Variants in C1orf105 observed in about 807,000 individuals in gnomAD.
C1orf105 encodes the protein chromosome 1 open reading frame 105.
C1orf105 carries 17 observed loss-of-function variants against 20.8 expected under a neutral mutation model. That is an observed-to-expected ratio of 0.82 (90% CI 0.56 to 1.23). The LOEUF is 1.23. Ranked by LOEUF, C1orf105 falls within the 50% of genes most tolerant of loss-of-function variation. C1orf105 has a pLI of 0.00. For missense variants in C1orf105, 219 were observed against 213.5 expected (o/e 1.03, Z -0.16); for synonymous variants, 72 against 72.1 (o/e 1.00, Z 0.01).
chr1:172,454,701 G>C (rs1274394695), intron 3 of C1orf105, among the ~76,000 whole-genome samples: 3 of 151,900 alleles, frequency 2.0e-5, no homozygotes, highest in African/African-American at 7.3e-5. Context: ...CCCAAGCATT[G>C]CCTGTTTTTT....
chr1:172,457,943 C>T (rs963660219), intron 4 of C1orf105, among the ~76,000 whole-genome samples: 58 of 152,336 alleles, frequency 3.8e-4, no homozygotes, highest in African/African-American at 1.4e-3. Flanking sequence ...TGCAGTAATA[C>T]CTCAAAGTCC....
intron 1 of C1orf105, chr1:172,443,789 G>A (rs568953432): frequency 6.2e-4 from 138 of 223,790 alleles, no homozygotes; most frequent in African/African-American, 2.6e-3. Context: ...GGCAGCGCCC[G>A]CCCGCAGAGT....
Position 172,441,808 on chromosome 1 carries a change from A to G in C1orf105, c.22-3265A>G, listed in dbSNP as rs567827901. 13 of 1,611,952 alleles carry G rather than the reference A, an allele frequency of 8.1e-6. No individual in the cohort carries two copies. The African/African-American group carries it at 1.2e-4, about 15-fold the overall frequency. ...ATGAATGTTTTCTTTAAAAAGCTGC[A>G]AGCGAATGAGGTAGAATGGACACAG... On this transcript the variant is annotated intron_variant, in intron 1 of 6. Coordinates refer to ENST00000367727, the MANE Select transcript of C1orf105 (RefSeq NM_139240.4).
At chr1:172,439,631 C>G (rs2072152888) in intron 1 of C1orf105, among the ~76,000 whole-genome samples, 1 of 152,022 alleles carries the variant, frequency 6.6e-6, no homozygotes, top group African/African-American at 2.4e-5. Flanking sequence ...GATAGTGCAG[C>G]CATATTGTCA....
intron 6 of C1orf105, among the ~76,000 whole-genome samples, chr1:172,468,045 G>A (rs981791448): frequency 6.6e-6 from 1 of 151,972 alleles, no homozygotes; most frequent in African/African-American, 2.4e-5. Context: ...AACTATATAT[G>A]TGTCCCTGAA....
At chr1:172,423,158 T>G (rs1331011794) in intron 1 of C1orf105, among the ~76,000 whole-genome samples, 1 of 152,116 alleles carries the variant, frequency 6.6e-6, no homozygotes, top group Non-Finnish European at 1.5e-5. Flanking sequence ...ACGTAATAGT[T>G]ACAGTGGGCC....
intron 1 of C1orf105, among the ~76,000 whole-genome samples, chr1:172,424,762 T>A (rs1240122980): frequency 6.6e-6 from 1 of 152,230 alleles, no homozygotes; most frequent in African/African-American, 2.4e-5. Context: ...AGATGATTCC[T>A]TCTGCCTCTT....
At chr1:172,442,422 AAC>A (rs1467157678) in intron 1 of C1orf105, 1 of 1,614,080 alleles carries the variant, frequency 6.2e-7, no homozygotes, top group Admixed American at 1.7e-5. Context: ...TAACCACAAA[AAC>A]ACAAACACTG....
At chr1:172,446,930 A>C (rs1258927806) in intron 2 of C1orf105, among the ~76,000 whole-genome samples, 1 of 152,162 alleles carries the variant, frequency 6.6e-6, no homozygotes, top group Non-Finnish European at 1.5e-5. Context: ...TTCTGGGAGG[A>C]TTGGGGTAGC....
intron 4 of C1orf105, among the ~76,000 whole-genome samples, chr1:172,461,928 G>T (rs1313630588): frequency 6.6e-6 from 1 of 152,134 alleles, no homozygotes; most frequent in Admixed American, 6.6e-5. Context: ...GTGTATTGGG[G>T]GTGGGGGCAT....
chr1:172,430,919 T>G (rs1364754370), intron 1 of C1orf105, among the ~76,000 whole-genome samples: 2 of 152,214 alleles, frequency 1.3e-5, no homozygotes, highest in African/African-American at 4.8e-5. Flanking sequence ...ATCAGTGATC[T>G]TTGATGTTAC....
chr1:172,467,892 A>T (rs1410655522), intron 6 of C1orf105, among the ~76,000 whole-genome samples: 3 of 152,256 alleles, frequency 2.0e-5, no homozygotes, highest in African/African-American at 7.2e-5. Context: ...TGAAGAAGAG[A>T]TAGGGTAAGG....
At chr1:172,466,788 T>C (rs1480733296) in intron 6 of C1orf105, among the ~76,000 whole-genome samples, 1 of 152,226 alleles carries the variant, frequency 6.6e-6, no homozygotes, top group African/African-American at 2.4e-5. Flanking sequence ...TGTTCTTGGA[T>C]GGCCCTGATT....
At position 172,441,938 on chromosome 1, in the gene C1orf105, C is replaced by T. The variant is rs201517616; in HGVS notation, c.22-3135C>T. On this transcript the variant is annotated intron_variant, in intron 1 of 6. Coordinates refer to ENST00000367727, the MANE Select transcript of C1orf105 (RefSeq NM_139240.4). The stretch of plus-strand genomic sequence containing the variant: ...AATGCAAAAAGCAGTGTGACCCCCA[C>T]ATAGCTCCGGGGAGTACATGCCTTT... 6.2e-4 allele frequency: 1,008 copies of T among 1,614,186 alleles called. 16 individuals carry two copies. The South Asian group carries it at 0.01, about 17-fold the overall frequency.
At chr1:172,432,776 T>C (rs1027107382) in intron 1 of C1orf105, among the ~76,000 whole-genome samples, 3 of 152,234 alleles carry the variant, frequency 2.0e-5, no homozygotes, top group Non-Finnish European at 4.4e-5. Context: ...TTTAATGAGT[T>C]GACAGAAGTA....
intron 1 of C1orf105, among the ~76,000 whole-genome samples, chr1:172,438,036 T>C (rs1364209325): frequency 6.6e-6 from 1 of 152,018 alleles, no homozygotes; most frequent in African/African-American, 2.4e-5. Flanking sequence ...TCATGCTCTG[T>C]GAGTAAAACA....
Position 172,441,335 on chromosome 1 carries a change from G to A in C1orf105, c.22-3738G>A, listed in dbSNP as rs143548308. 2.6e-3 allele frequency: 405 copies of A among 156,532 alleles called. 2 individuals carry two copies. Among genetic ancestry groups the A allele is most frequent in the African/African-American group, 9.6e-3 (371 of 38,798 alleles). The allele number at this position is 156,532 out of a possible 1,614,324, so 9.7% of individuals were successfully genotyped here. A position where few individuals can be genotyped will look rare whatever the true frequency, so the allele number is the denominator to read the frequency against. On this transcript the variant is annotated intron_variant, in intron 1 of 6. Transcript: ENST00000367727. Reference sequence around the variant, plus strand: ...AAAGAGCATTAGCACATTGAAAAGGGTAGAAAGAAGTGACTTTACACACAC... The same window carrying A: ...AAAGAGCATTAGCACATTGAAAAGGATAGAAAGAAGTGACTTTACACACAC...
At position 172,420,902 on chromosome 1, in the gene C1orf105, T is replaced by C; in HGVS notation, c.17T>C (p.Leu6Pro). The change falls in exon 1 of 7, where the codon CTA (leucine) becomes CCA (proline). Residue 6 changes from leucine to proline, a missense_variant. Physicochemically the swap from Leu to Pro is moderately conservative, Grantham distance 98 (BLOSUM62 -3). Coordinates refer to ENST00000367727, the MANE Select transcript of C1orf105 (RefSeq NM_139240.4). MEKRE[L>P]KASVPKFDKI... ...ATCTGAAAGATGGAAAAAAGAGAAC[T>C]AAAGGTAGGAAAAAAATAAATGAAA... The C allele has an allele frequency of 6.2e-7, 1 of 1,610,120 alleles. No individual in the cohort carries two copies. Among genetic ancestry groups the C allele is most frequent in the Non-Finnish European group, 8.5e-7 (1 of 1,176,990 alleles).
chr1:172,443,955 G>A (rs1647651555), intron 1 of C1orf105: 25 of 999,464 alleles, frequency 2.5e-5, no homozygotes, highest in Non-Finnish European at 2.9e-5. Context: ...AAGGAGCCCC[G>A]GAAACACTGA....
Sources: allele counts gnomAD v4.1 joint callset (sites outside exome capture counted in the v4.1 genomes callset), GRCh38; gene constraint gnomAD v4.1.1; transcripts MANE v1.5; gene names NCBI Gene and HGNC (gene_info 2026-07-23, HGNC 2026-07-21).